LSAMP: variants seen among roughly 807,000 people sequenced by gnomAD.
The protein encoded by LSAMP is limbic system associated membrane protein.
A neutral mutation model predicts 38.6 loss-of-function variants in LSAMP; 7 were observed. The ratio of observed to expected loss-of-function variants is 0.18; its 90% confidence interval spans 0.10 to 0.34. The LOEUF is 0.34. LSAMP is among the 10% of genes least tolerant of loss of function. The pLI is 1.00. For synonymous variants in LSAMP, 154 were observed against 166.8 expected, an observed-to-expected ratio of 0.92 and a Z score of 0.59; for missense variants, 313 against 420.0, an observed-to-expected ratio of 0.75 and a Z score of 2.23.
intron 1 of LSAMP, among the ~76,000 whole-genome samples, chr3:116,272,733 C>CAAAT (rs2046991167): frequency 1.3e-5 from 2 of 152,104 alleles, no homozygotes; most frequent in South Asian, 4.1e-4. Flanking sequence ...TCAGGATACA[C>CAAAT]AAATAATGTC....
rs555352455 is a variant in LSAMP at position 115,942,195 on chromosome 3, A to G, written c.514+77320T>C. ...AAATGGAAGGAGAAGTTAAGGAAGCAAAACAAAGAAATAAATAGCTTTGCA... is the reference window on the plus strand; with the variant it reads ...AAATGGAAGGAGAAGTTAAGGAAGCGAAACAAAGAAATAAATAGCTTTGCA... On this transcript the variant is annotated intron_variant, in intron 3 of 6. Coordinates refer to ENST00000490035, the MANE Select transcript of LSAMP (RefSeq NM_002338.5). 9.0e-4 allele frequency among the ~76,000 whole-genome samples: 137 copies of G among 152,302 alleles called. 1 individual carries two copies. The highest frequency in any genetic ancestry group is 3.2e-3 in the African/African-American group (132 of 41,580).
chr3:116,208,844 T>C (rs2046108838), intron 1 of LSAMP, among the ~76,000 whole-genome samples: 1 of 152,190 alleles, frequency 6.6e-6, no homozygotes, highest in Non-Finnish European at 1.5e-5. Context: ...AGTTTACTGC[T>C]GTCTTTTTGT....
chr3:116,434,071 G>T (rs1046741738), intron 1 of LSAMP, among the ~76,000 whole-genome samples: 1 of 152,004 alleles, frequency 6.6e-6, no homozygotes, highest in Admixed American at 6.6e-5. Flanking sequence ...TCTCTTTACC[G>T]TACCAATAAT....
intron 3 of LSAMP, among the ~76,000 whole-genome samples, chr3:115,932,875 T>A (rs1441585351): frequency 6.6e-6 from 1 of 151,990 alleles, no homozygotes; most frequent in East Asian, 1.9e-4. Context: ...GAATATAGAA[T>A]CCAAATGAAG....
intron 3 of LSAMP, among the ~76,000 whole-genome samples, chr3:115,885,551 G>A (rs1936430826): frequency 6.6e-6 from 1 of 151,022 alleles, no homozygotes; most frequent in Non-Finnish European, 1.5e-5. Flanking sequence ...CTAAAGTCTT[G>A]GGCAGCTGGT....
intron 3 of LSAMP, among the ~76,000 whole-genome samples, chr3:115,889,671 T>C (rs767165564): frequency 6.6e-6 from 1 of 151,932 alleles, no homozygotes; most frequent in Non-Finnish European, 1.5e-5. Flanking sequence ...TAGAGATTAA[T>C]AGTCTGTAAT....
At chr3:116,336,544 A>T (rs1185106819) in intron 1 of LSAMP, among the ~76,000 whole-genome samples, 1 of 151,970 alleles carries the variant, frequency 6.6e-6, no homozygotes, top group East Asian at 1.9e-4. Flanking sequence ...TAAAAACTAC[A>T]ATGAGATACC....
At chr3:115,933,068 A>C (rs9827753) in intron 3 of LSAMP, among the ~76,000 whole-genome samples, 3,996 of 152,286 alleles carry the variant, frequency 0.026, 157 homozygotes, top group African/African-American at 0.088. Flanking sequence ...AGTGAGAGCT[A>C]GCAGTCAAGG....
chr3:116,379,242 G>T (rs2048528909), intron 1 of LSAMP, among the ~76,000 whole-genome samples: 1 of 152,006 alleles, frequency 6.6e-6, no homozygotes, highest in Non-Finnish European at 1.5e-5. Flanking sequence ...CAAAGATATA[G>T]TCGCATATGT....
chr3:116,246,635 A>G lies in LSAMP; in HGVS notation c.156-160079T>C, dbSNP rs78232493. ...TCCTTCCATTTTTCAGCACCGTGAT[A>G]AACAACCCAACTGCACATCATTCTC... On this transcript the variant is annotated intron_variant, in intron 1 of 6. Coordinates refer to ENST00000490035, the MANE Select transcript of LSAMP (RefSeq NM_002338.5). 1.6e-4 allele frequency among the ~76,000 whole-genome samples: 25 copies of G among 152,262 alleles called. No individual in the cohort carries two copies. In the East Asian group the frequency reaches 4.4e-3, roughly 27 times the overall value.
chr3:116,403,030 G>C (rs1014540047), intron 1 of LSAMP, among the ~76,000 whole-genome samples: 15 of 152,164 alleles, frequency 9.9e-5, no homozygotes, highest in African/African-American at 3.4e-4. Context: ...GCCAATCACT[G>C]TATCCTACTC....
At chr3:116,022,065 T>G (rs1240542940) in intron 2 of LSAMP, among the ~76,000 whole-genome samples, 1 of 152,180 alleles carries the variant, frequency 6.6e-6, no homozygotes, top group Non-Finnish European at 1.5e-5. Flanking sequence ...GTTAGGAATG[T>G]AATCACGCTG....
At chr3:116,155,047 TA>T (rs1366302772) in intron 1 of LSAMP, among the ~76,000 whole-genome samples, 2 of 152,088 alleles carry the variant, frequency 1.3e-5, no homozygotes, top group African/African-American at 4.8e-5. Context: ...TTTTGTCTTT[TA>T]TTTTTTTTAT....
At chr3:116,208,439 G>T (rs570465888) in intron 1 of LSAMP, among the ~76,000 whole-genome samples, 2 of 152,290 alleles carry the variant, frequency 1.3e-5, no homozygotes, top group Admixed American at 1.3e-4. Context: ...TTCCGTTGCT[G>T]GTGAGGAACT....
intron 1 of LSAMP, among the ~76,000 whole-genome samples, chr3:116,116,532 T>TAAA (rs386397689): frequency 2.6e-3 from 284 of 110,778 alleles, no homozygotes; most frequent in Middle Eastern, 4.6e-3. Flanking sequence ...CCATCTCTAC[T>TAAA]AAAAAAAAAA....
At chr3:115,999,908 G>T (rs1365300296) in intron 3 of LSAMP, among the ~76,000 whole-genome samples, 1 of 152,124 alleles carries the variant, frequency 6.6e-6, no homozygotes, top group Non-Finnish European at 1.5e-5. Flanking sequence ...GCTGCCATTA[G>T]CAGGTTCCTG....
At chr3:116,169,520 T>C (rs62269189) in intron 1 of LSAMP, among the ~76,000 whole-genome samples, 9,158 of 152,304 alleles carry the variant, frequency 0.06, 309 homozygotes, top group Middle Eastern at 0.095. Flanking sequence ...CTTCACATTA[T>C]GAAGGATGTA....
At chr3:116,115,511 C>T (rs1189412523) in intron 1 of LSAMP, among the ~76,000 whole-genome samples, 2 of 152,188 alleles carry the variant, frequency 1.3e-5, no homozygotes, top group African/African-American at 4.8e-5. Flanking sequence ...TACCTCTGTC[C>T]TGTGTTCAGT....
intron 1 of LSAMP, among the ~76,000 whole-genome samples, chr3:116,101,792 C>T (rs544432222): frequency 1.2e-4 from 18 of 152,172 alleles, no homozygotes; most frequent in Admixed American, 7.9e-4. Flanking sequence ...AAACTGATTT[C>T]GAATATATTG....
Sources: allele counts gnomAD v4.1 joint callset (sites outside exome capture counted in the v4.1 genomes callset), GRCh38; gene constraint gnomAD v4.1.1; transcripts MANE v1.5; gene names NCBI Gene and HGNC (gene_info 2026-07-23, HGNC 2026-07-21).